The following MAP4K4 variants were observed in gnomAD, a reference collection of about 807,000 sequenced individuals.
MAP4K4 encodes mitogen-activated protein kinase kinase kinase kinase 4, also known as HPK/GCK-like kinase HGK.
In MAP4K4, 38 loss-of-function variants were observed where a neutral mutation model predicts 189.6. The ratio of observed to expected loss-of-function variants is 0.20; its 90% confidence interval spans 0.15 to 0.26. The LOEUF is 0.26. Ranked by LOEUF, MAP4K4 falls within the 10% of genes least tolerant of loss-of-function variation. The probability of loss-of-function intolerance (pLI) is 1.00; values close to 1 mark genes in which losing one functional copy is unlikely to be tolerated. For missense variants in MAP4K4, 1,054 were observed against 1,726.9 expected (o/e 0.61, Z 6.91); for synonymous variants, 610 against 624.3 (o/e 0.98, Z 0.34).
intron 2 of MAP4K4, among the ~76,000 whole-genome samples, chr2:101,737,461 ATTTTTTTTTTT>A (rs1173208424): frequency 1.9e-3 from 49 of 26,002 alleles, no homozygotes; most frequent in African/African-American, 7.3e-3. Flanking sequence ...ATATATATAT[ATTTTTTTTTTT>A]TTTTTTTTTT....
chr2:101,778,972 A>G (rs1187056073), intron 2 of MAP4K4, among the ~76,000 whole-genome samples: 3 of 151,970 alleles, frequency 2.0e-5, no homozygotes, highest in African/African-American at 7.3e-5. Flanking sequence ...TTCTAATTTC[A>G]TGGAGCCTCT....
rs534342877 is a variant in MAP4K4 at position 101,829,427 on chromosome 2, T to C, written c.418-77T>C. The C allele has an allele frequency of 4.2e-6, 4 of 951,408 alleles. No homozygotes were observed. In the East Asian group the frequency reaches 1.1e-4, roughly 25 times the overall value. The allele number at this position is 951,408 out of a possible 1,614,324, so 58.9% of individuals were successfully genotyped here. The stretch of plus-strand genomic sequence containing the variant: ...ACACCTTTGGTCCACATGTGCACTT[T>C]CTTATAAAAGGTGTGTTCCTGGCTG... On this transcript the variant is annotated intron_variant, in intron 5 of 32. Coordinates refer to ENST00000324219, the Ensembl canonical transcript of MAP4K4.
At chr2:101,873,794 G>C (rs1278154157) in intron 25 of MAP4K4, 30 bp downstream of exon 25, 6 of 1,449,374 alleles carry the variant, frequency 4.1e-6, no homozygotes, top group Non-Finnish European at 5.8e-6. Flanking sequence ...GAAAGCAGCT[G>C]ACAAATGGGA....
chr2:101,857,019 T>C (rs749482981), intron 13 of MAP4K4, among the ~76,000 whole-genome samples: 1 of 152,240 alleles, frequency 6.6e-6, no homozygotes, highest in African/African-American at 2.4e-5. Flanking sequence ...CTAATTGACG[T>C]TGTCAACCAT....
intron 2 of MAP4K4, among the ~76,000 whole-genome samples, chr2:101,713,485 A>T (rs1432760703): frequency 6.6e-6 from 1 of 151,864 alleles, no homozygotes; most frequent in Non-Finnish European, 1.5e-5. Context: ...AATCCCAGCT[A>T]CTTGGGAGGC....
chr2:101,698,093 T>TC lies in MAP4K4; in HGVS notation c.17dup (p.Ala7CysfsTer20). The TC allele has an allele frequency of 7.6e-7, 1 of 1,322,352 alleles. No individual in the cohort carries two copies. 81.9% of individuals were successfully genotyped at this position (1,322,352 alleles called of 1,614,324 possible). A position where few individuals can be genotyped will look rare whatever the true frequency, so the allele number is the denominator to read the frequency against. ...GCAAAAAGGGAAAATGGCGAACGAC[T>TC]CCCCTGCAAAAAGTCTGGTGGACAT... On this transcript the variant is annotated frameshift_variant, in exon 1 of 33. Coordinates refer to ENST00000324219, the Ensembl canonical transcript of MAP4K4. LOFTEE classifies it high-confidence loss of function.
intron 3 of MAP4K4, among the ~76,000 whole-genome samples, chr2:101,803,255 GTGTGTGTGTATGTA>G (rs2094549436): frequency 7.5e-6 from 1 of 132,946 alleles, no homozygotes; most frequent in African/African-American, 2.5e-5. Context: ...ATGTGTGTGT[GTGTGTGTGTATGTA>G]TGTGTGTGTG....
intron 2 of MAP4K4, among the ~76,000 whole-genome samples, chr2:101,761,011 A>T (rs1350162054): frequency 6.6e-6 from 1 of 152,226 alleles, no homozygotes; most frequent in Non-Finnish European, 1.5e-5. Context: ...CTCAAAAAAA[A>T]TTGTTTAAAG....
At chr2:101,738,806 C>G (rs1172346432) in intron 2 of MAP4K4, among the ~76,000 whole-genome samples, 1 of 152,004 alleles carries the variant, frequency 6.6e-6, no homozygotes, top group Non-Finnish European at 1.5e-5. Flanking sequence ...AGATCACTGT[C>G]TGCCTGGCTG....
intron 23 of MAP4K4, 118 bp downstream of exon 23, chr2:101,870,533 C>T (rs2150031202): frequency 7.1e-7 from 1 of 1,408,904 alleles, no homozygotes; most frequent in East Asian, 2.4e-5. Context: ...TTAACAAGTC[C>T]CAGAGGGTCA....
chr2:101,785,726 CTCTCTCT>C (rs2090607760), intron 2 of MAP4K4, among the ~76,000 whole-genome samples: 1 of 8,328 alleles, frequency 1.2e-4, no homozygotes, highest in African/African-American at 1.5e-3. Context: ...CTCTCTCTCT[CTCTCTCT>C]CTCTCTCTCT....
chr2:101,852,162 A>G (rs2298942), intron 12 of MAP4K4, among the ~76,000 whole-genome samples: 37,029 of 150,492 alleles, frequency 0.25, 5,317 homozygotes, highest in Non-Finnish European at 0.31. Context: ...TTTTATTAGT[A>G]TGAGGCACTA....
chr2:101,735,792 G>C (rs1173765701), intron 2 of MAP4K4, among the ~76,000 whole-genome samples: 2 of 152,184 alleles, frequency 1.3e-5, no homozygotes, highest in African/African-American at 4.8e-5. Context: ...AGCTAGAAAA[G>C]AAAATAGAAA....
rs897962275 is a variant in MAP4K4 at position 101,698,048 on chromosome 2, T to C, written c.-33T>C. 5.3e-6 allele frequency: 7 copies of C among 1,308,620 alleles called. No homozygotes were observed. In the African/African-American group the frequency reaches 6.3e-5, roughly 12 times the overall value. The allele number at this position is 1,308,620 out of a possible 1,614,324, so 81.1% of individuals were successfully genotyped here. A position where few individuals can be genotyped will look rare whatever the true frequency, so the allele number is the denominator to read the frequency against. ...ATACACAGAGCGACAGAGACATTTATTGTTATTTGTTTTTTGGTGGCAAAA... is the reference window on the plus strand; with the variant it reads ...ATACACAGAGCGACAGAGACATTTACTGTTATTTGTTTTTTGGTGGCAAAA... On this transcript the variant is annotated 5_prime_UTR_variant, in exon 1 of 33. Transcript: ENST00000324219.
chr2:101,733,023 A>G (rs182853215), intron 2 of MAP4K4, among the ~76,000 whole-genome samples: 4 of 152,350 alleles, frequency 2.6e-5, no homozygotes, highest in Non-Finnish European at 4.4e-5. Flanking sequence ...ATCTCTGCCA[A>G]TGTTACTACG....
intron 10 of MAP4K4, 76 bp downstream of exon 10, chr2:101,840,070 C>T: frequency 7.1e-7 from 1 of 1,406,742 alleles, no homozygotes; most frequent in South Asian, 1.4e-5. Flanking sequence ...AGGTCCCTCC[C>T]TTCCCAGCTG....
rs745617730 is a variant in MAP4K4 at position 101,718,764 on chromosome 2, C to T, written c.123+20226C>T. 3.9e-5 allele frequency among the ~76,000 whole-genome samples: 6 copies of T among 152,252 alleles called. No homozygotes were observed. The East Asian group carries it at 1.2e-3, about 29-fold the overall frequency. On this transcript the variant is annotated intron_variant, in intron 2 of 32. Coordinates refer to ENST00000324219, the Ensembl canonical transcript of MAP4K4. ...CATACTCTAATGTGCACTCAGTCAT[C>T]TTGGGAGCTTGTGAAAATGCAGATT...
intron 2 of MAP4K4, among the ~76,000 whole-genome samples, chr2:101,769,264 CT>C (rs1454963089): frequency 6.6e-6 from 1 of 152,044 alleles, no homozygotes; most frequent in Non-Finnish European, 1.5e-5. Flanking sequence ...TGAGTTTCAG[CT>C]CGTTTTCATG....
intron 2 of MAP4K4, among the ~76,000 whole-genome samples, chr2:101,772,704 GT>G (rs1198714192): frequency 6.6e-6 from 1 of 152,184 alleles, no homozygotes; most frequent in African/African-American, 2.4e-5. Context: ...ATTGCAAAGT[GT>G]TTCATCAGTT....
Sources: allele counts gnomAD v4.1 joint callset (sites outside exome capture counted in the v4.1 genomes callset), GRCh38; gene constraint gnomAD v4.1.1; transcripts MANE v1.5; gene names NCBI Gene and HGNC (gene_info 2026-07-23, HGNC 2026-07-21).